Variants in SLC39A11 observed in about 807,000 individuals in gnomAD.
SLC39A11 encodes the protein zinc transporter ZIP11.
In SLC39A11, 33 loss-of-function variants were observed where a neutral mutation model predicts 36.1. The ratio of observed to expected loss-of-function variants is 0.91; its 90% CI spans 0.69 to 1.22. The LOEUF (loss-of-function observed/expected upper bound fraction) is 1.22, where lower values mean the gene tolerates loss of function less well. Among genes scored for constraint, SLC39A11 ranks in the 50% most tolerant of loss-of-function variants. The pLI is 0.00. For synonymous variants in SLC39A11, 166 were observed against 170.3 expected (o/e 0.97, Z 0.20); for missense variants, 432 against 430.3 (o/e 1.00, Z -0.03).
At chr17:73,068,102 C>T in intron 3 of SLC39A11, 2 of 1,413,230 alleles carry the variant, frequency 1.4e-6, no homozygotes, top group Non-Finnish European at 2.0e-6. Context: ...AGGAGTATCT[C>T]CCACAGCCTT....
intron 7 of SLC39A11, among the ~76,000 whole-genome samples, chr17:72,659,842 C>T (rs1164534930): frequency 6.6e-6 from 1 of 152,110 alleles, no homozygotes; most frequent in African/African-American, 2.4e-5. Flanking sequence ...CTTAGGCAAT[C>T]TGCCCGCCTC....
chr17:72,959,323 G>GTATATA lies in SLC39A11; in HGVS notation c.307-11449_307-11448insTATATA, dbSNP rs766454318. The stretch of plus-strand genomic sequence containing the variant: ...AACTGGTGTATGTATGTGTGTGTGT[G>GTATATA]TGTATATATATATATATATATATAT... On this transcript the variant is annotated intron_variant, in intron 4 of 9. Transcript: ENST00000255559. Among the ~76,000 whole-genome samples, 299 of 81,328 alleles carry GTATATA rather than the reference G, an allele frequency of 3.7e-3. 4 individuals carry two copies. Among genetic ancestry groups the GTATATA allele is most frequent in the Non-Finnish European group, 4.7e-3 (191 of 41,010 alleles). The allele number at this position is 81,328 out of a possible 152,430, so 53.4% of individuals were successfully genotyped here.
At chr17:72,717,028 T>C (rs987328262) in intron 7 of SLC39A11, among the ~76,000 whole-genome samples, 6 of 139,450 alleles carry the variant, frequency 4.3e-5, no homozygotes, top group Admixed American at 1.4e-4. Context: ...CACACACATA[T>C]ACACATATAA....
At chr17:73,064,922 C>A (rs1255850301) in intron 3 of SLC39A11, among the ~76,000 whole-genome samples, 1 of 152,104 alleles carries the variant, frequency 6.6e-6, no homozygotes, top group East Asian at 1.9e-4. Context: ...GCACTGTATC[C>A]CCCTACTCTG....
intron 6 of SLC39A11, among the ~76,000 whole-genome samples, chr17:72,804,499 AC>A (rs1448411088): frequency 6.6e-6 from 1 of 152,240 alleles, no homozygotes; most frequent in African/African-American, 2.4e-5. Context: ...AAGCAATTTA[AC>A]TGTGCCTGTA....
intron 5 of SLC39A11, among the ~76,000 whole-genome samples, chr17:72,867,784 A>ACACACACACACACACACACT (rs2080384327): frequency 6.7e-6 from 1 of 149,694 alleles, no homozygotes; most frequent in Non-Finnish European, 1.5e-5. Context: ...ACACACACAC[A>ACACACACACACACACACACT]CACACGCACA....
chr17:72,913,062 A>T (rs1000384084), intron 5 of SLC39A11, among the ~76,000 whole-genome samples: 1 of 152,164 alleles, frequency 6.6e-6, no homozygotes, highest in African/African-American at 2.4e-5. Context: ...ATTTCTAAAA[A>T]GTCCTGATTT....
intron 6 of SLC39A11, among the ~76,000 whole-genome samples, chr17:72,845,374 G>A (rs2079003312): frequency 6.6e-6 from 1 of 152,160 alleles, no homozygotes; most frequent in Non-Finnish European, 1.5e-5. Context: ...ACTCCTTGTG[G>A]GGGCCAGACA....
chr17:73,034,461 A>T (rs1231958431), intron 3 of SLC39A11, among the ~76,000 whole-genome samples: 1 of 152,170 alleles, frequency 6.6e-6, no homozygotes, highest in Non-Finnish European at 1.5e-5. Flanking sequence ...ACCTCAAGTG[A>T]TCTGCCTACC....
Position 72,940,697 on chromosome 17 carries a change from A to G in SLC39A11, c.430+7055T>C, listed in dbSNP as rs976551551. Among the ~76,000 whole-genome samples, 5 of 152,356 alleles carry G rather than the reference A, an allele frequency of 3.3e-5. No individual in the cohort carries two copies. In the East Asian group the frequency reaches 7.7e-4, roughly 23 times the overall value. On this transcript the variant is annotated intron_variant, in intron 5 of 9. Coordinates refer to ENST00000255559, the MANE Select transcript of SLC39A11 (RefSeq NM_139177.4). The stretch of plus-strand genomic sequence containing the variant: ...ATGAGGCTAACGTAAGGAGGCAGCC[A>G]TGCAGTGAGAGAATCTAGAAGGCAG...
At chr17:72,905,172 CAAAAAAAAA>C (rs58702930) in intron 5 of SLC39A11, among the ~76,000 whole-genome samples, 25 of 42,914 alleles carry the variant, frequency 5.8e-4, no homozygotes, top group East Asian at 2.2e-3. Context: ...GACTCCATCT[CAAAAAAAAA>C]AAAAAAAAAA....
intron 5 of SLC39A11, among the ~76,000 whole-genome samples, chr17:72,901,293 G>A (rs1325254588): frequency 6.6e-6 from 1 of 152,226 alleles, no homozygotes. Flanking sequence ...GGCCCCTGCT[G>A]AGGCGAAGGC....
intron 4 of SLC39A11, among the ~76,000 whole-genome samples, chr17:72,989,947 C>A (rs1376732889): frequency 6.6e-6 from 1 of 152,146 alleles, no homozygotes; most frequent in Non-Finnish European, 1.5e-5. Context: ...GTAATTTATT[C>A]TTTCGATGAG....
intron 4 of SLC39A11, among the ~76,000 whole-genome samples, chr17:72,979,501 G>C (rs908665195): frequency 1.3e-5 from 2 of 152,192 alleles, no homozygotes; most frequent in African/African-American, 2.4e-5. Context: ...AATGGGATGA[G>C]GGACGGATAG....
At chr17:72,778,066 G>A (rs1393643700) in intron 6 of SLC39A11, among the ~76,000 whole-genome samples, 1 of 151,972 alleles carries the variant, frequency 6.6e-6, no homozygotes, top group Non-Finnish European at 1.5e-5. Flanking sequence ...CACCAAGCCT[G>A]GTTAATTTTT....
intron 3 of SLC39A11, among the ~76,000 whole-genome samples, chr17:73,067,226 CAT>C (rs1268555484): frequency 6.6e-6 from 1 of 152,244 alleles, no homozygotes; most frequent in East Asian, 1.9e-4. Flanking sequence ...GCTAAAAGAA[CAT>C]GTGTCGCAGC....
At chr17:73,082,497 T>TC (rs2060577237) in intron 3 of SLC39A11, among the ~76,000 whole-genome samples, 1 of 152,178 alleles carries the variant, frequency 6.6e-6, no homozygotes, top group African/African-American at 2.4e-5. Flanking sequence ...TTTGTTTTTT[T>TC]CTTTTTCATA....
chr17:73,015,294 A>G (rs970308068), intron 4 of SLC39A11, among the ~76,000 whole-genome samples: 2 of 152,076 alleles, frequency 1.3e-5, no homozygotes, highest in African/African-American at 2.4e-5. Context: ...TACTGCATTC[A>G]TGTCATAGTT....
At chr17:72,924,770 A>G (rs1016975446) in intron 5 of SLC39A11, among the ~76,000 whole-genome samples, 1 of 152,100 alleles carries the variant, frequency 6.6e-6, no homozygotes, top group African/African-American at 2.4e-5. Flanking sequence ...TTGGGAGGCC[A>G]AGGCGGGTGG....
Sources: gnomAD v4.1 joint callset for allele counts (sites outside exome capture counted in the v4.1 genomes callset) on GRCh38, gnomAD v4.1.1 for gene constraint, MANE v1.5 for transcripts, NCBI Gene and HGNC (gene_info 2026-07-23, HGNC 2026-07-21) for gene names.